AGBL4: variants seen among roughly 807,000 people sequenced by gnomAD.
The protein encoded by AGBL4 is cytosolic carboxypeptidase 6.
In AGBL4, 58 loss-of-function variants were observed where a neutral mutation model predicts 66.4. That is an observed-to-expected ratio of 0.87 (90% CI 0.71 to 1.09). The LOEUF is 1.09. Ranked by LOEUF, AGBL4 falls within the 50% of genes least tolerant of loss-of-function variation. The pLI is 0.00. For synonymous variants in AGBL4, 234 were observed against 222.9 expected, an observed-to-expected ratio of 1.05 and a Z score of -0.44; for missense variants, 579 against 631.0, an observed-to-expected ratio of 0.92 and a Z score of 0.88.
At chr1:48,751,153 G>T (rs148393213) in intron 6 of AGBL4, among the ~76,000 whole-genome samples, 5 of 152,254 alleles carry the variant, frequency 3.3e-5, no homozygotes, top group African/African-American at 1.2e-4. Flanking sequence ...TCTCTCTAAA[G>T]AGACAATTTC....
At chr1:49,166,294 A>G (rs1646632087) in intron 4 of AGBL4, among the ~76,000 whole-genome samples, 1 of 152,144 alleles carries the variant, frequency 6.6e-6, no homozygotes, top group Admixed American at 6.6e-5. Context: ...CAATTGTTTA[A>G]TTAAACAAAT....
At chr1:49,883,692 T>C (rs1490687021) in intron 1 of AGBL4, among the ~76,000 whole-genome samples, 2 of 152,090 alleles carry the variant, frequency 1.3e-5, no homozygotes, top group African/African-American at 2.4e-5. Context: ...ATAGTGGTCA[T>C]GTTGTATTCT....
At chr1:48,547,242 TAA>T (rs1342789459) in intron 11 of AGBL4, among the ~76,000 whole-genome samples, 2 of 152,086 alleles carry the variant, frequency 1.3e-5, no homozygotes, top group East Asian at 3.9e-4. Flanking sequence ...ACTGCTGCAC[TAA>T]AAGAGAAGGC....
At chr1:49,651,460 A>C (rs566423388) in intron 3 of AGBL4, among the ~76,000 whole-genome samples, 1 of 152,246 alleles carries the variant, frequency 6.6e-6, no homozygotes, top group East Asian at 1.9e-4. Context: ...AAGGGCATAG[A>C]GCTAATGTAA....
At chr1:49,863,255 C>T (rs1402849195) in intron 1 of AGBL4, among the ~76,000 whole-genome samples, 1 of 152,012 alleles carries the variant, frequency 6.6e-6, no homozygotes, top group Non-Finnish European at 1.5e-5. Context: ...GAATCTAGAC[C>T]CCTATCTCTC....
At chr1:49,238,794 G>A (rs941285585) in intron 4 of AGBL4, among the ~76,000 whole-genome samples, 1 of 152,188 alleles carries the variant, frequency 6.6e-6, no homozygotes, top group Middle Eastern at 3.4e-3. Context: ...ATATTTTGGG[G>A]AGCACCTTTT....
intron 6 of AGBL4, among the ~76,000 whole-genome samples, chr1:48,845,674 T>C (rs1272542136): frequency 6.6e-6 from 1 of 152,166 alleles, no homozygotes; most frequent in Non-Finnish European, 1.5e-5. Context: ...CTTTTGAGAT[T>C]TTCCTAATTT....
chr1:48,958,895 C>G (rs1657721794), intron 5 of AGBL4, among the ~76,000 whole-genome samples: 1 of 152,182 alleles, frequency 6.6e-6, no homozygotes, highest in Admixed American at 6.5e-5. Flanking sequence ...GCACTTAGTT[C>G]TATGTCATTC....
intron 11 of AGBL4, among the ~76,000 whole-genome samples, chr1:48,552,171 C>G (rs1014844445): frequency 3.3e-5 from 5 of 152,282 alleles, no homozygotes; most frequent in African/African-American, 1.2e-4. Context: ...TCAAGTGATT[C>G]TCCTGCCTCA....
intron 4 of AGBL4, among the ~76,000 whole-genome samples, chr1:49,194,367 A>T (rs192278754): frequency 2.6e-5 from 4 of 151,064 alleles, no homozygotes; most frequent in East Asian, 1.9e-4. Context: ...TTTACATAGA[A>T]TATGTTTTTC....
chr1:48,598,985 T>C (rs1645037103), intron 9 of AGBL4, among the ~76,000 whole-genome samples: 1 of 152,172 alleles, frequency 6.6e-6, no homozygotes, highest in South Asian at 2.1e-4. Flanking sequence ...TTATAAATTA[T>C]GGGTTTTTTT....
chr1:49,751,249 T>A (rs958469432), intron 2 of AGBL4, among the ~76,000 whole-genome samples: 1 of 152,228 alleles, frequency 6.6e-6, no homozygotes, highest in Non-Finnish European at 1.5e-5. Context: ...TATTTTGAGA[T>A]ACATTCCATC....
intron 3 of AGBL4, among the ~76,000 whole-genome samples, chr1:49,630,450 C>T (rs1645549049): frequency 1.3e-5 from 2 of 152,098 alleles, no homozygotes; most frequent in Non-Finnish European, 2.9e-5. Flanking sequence ...CTTCCTTTAT[C>T]GTGTGTCAGG....
At chr1:49,052,259 A>G (rs1220831019) in intron 4 of AGBL4, among the ~76,000 whole-genome samples, 3 of 152,144 alleles carry the variant, frequency 2.0e-5, no homozygotes, top group African/African-American at 4.8e-5. Context: ...GACAGCAACA[A>G]TATTCCTACC....
chr1:48,581,842 T>C (rs1644745373), intron 11 of AGBL4, among the ~76,000 whole-genome samples: 1 of 152,182 alleles, frequency 6.6e-6, no homozygotes, highest in Admixed American at 6.5e-5. Context: ...TGGTTAAATA[T>C]GGGATTAGGG....
At chr1:49,797,751 A>G (rs1446885123) in intron 2 of AGBL4, among the ~76,000 whole-genome samples, 3 of 151,764 alleles carry the variant, frequency 2.0e-5, no homozygotes, top group Non-Finnish European at 4.4e-5. Flanking sequence ...CACAGCCTTA[A>G]TTATCATTTT....
intron 6 of AGBL4, among the ~76,000 whole-genome samples, chr1:48,730,832 G>A (rs551618374): frequency 1.3e-5 from 2 of 152,194 alleles, no homozygotes; most frequent in South Asian, 2.1e-4. Flanking sequence ...AAAATTAACC[G>A]GAACGCAATG....
At chr1:48,589,464 T>C (rs928815588) in intron 10 of AGBL4, among the ~76,000 whole-genome samples, 3 of 152,168 alleles carry the variant, frequency 2.0e-5, no homozygotes, top group Non-Finnish European at 2.9e-5. Flanking sequence ...TCTGGCCACA[T>C]GGAAATAACA....
intron 3 of AGBL4, among the ~76,000 whole-genome samples, chr1:49,350,304 C>A (rs1254694885): frequency 6.7e-6 from 1 of 149,514 alleles, no homozygotes; most frequent in East Asian, 2.0e-4. Flanking sequence ...CCCGGGTTCA[C>A]GCCATTCTCC....
Sources: allele counts gnomAD v4.1 joint callset (sites outside exome capture counted in the v4.1 genomes callset), GRCh38; gene constraint gnomAD v4.1.1; transcripts MANE v1.5; gene names NCBI Gene and HGNC (gene_info 2026-07-23, HGNC 2026-07-21).